Variants in LIN52 observed in about 807,000 individuals in gnomAD.
LIN52 encodes protein lin-52 homolog.
A neutral mutation model predicts 18.5 loss-of-function variants in LIN52; 4 were observed. That is an observed-to-expected ratio of 0.22 (90% confidence interval 0.11 to 0.49). LIN52 has a LOEUF of 0.49. Ranked by LOEUF, LIN52 falls within the 20% of genes least tolerant of loss-of-function variation. The pLI, the probability that LIN52 is intolerant of heterozygous loss-of-function variation, is 0.97. For missense variants in LIN52, 102 were observed against 139.5 expected (o/e 0.73, Z 1.35); for synonymous variants, 34 against 45.5 (o/e 0.75, Z 1.02).
At chr14:74,103,428 T>A (rs910203792) in intron 5 of LIN52, among the ~76,000 whole-genome samples, 299 of 8,466 alleles carry the variant, frequency 0.035, 1 homozygote, top group Non-Finnish European at 0.059. Flanking sequence ...AAATGTAAGA[T>A]TTTTTTTTTT....
At chr14:74,089,829 T>C (rs2060760475) in intron 1 of LIN52, among the ~76,000 whole-genome samples, 16 of 152,124 alleles carry the variant, frequency 1.1e-4, no homozygotes, top group Admixed American at 1.0e-3. Context: ...GGGAGTTCCC[T>C]AACCGCAGGA....
intron 1 of LIN52, chr14:74,085,336 T>G: frequency 4.1e-6 from 1 of 245,318 alleles, no homozygotes; most frequent in Non-Finnish European, 7.7e-6. Flanking sequence ...CGTGGCTTAC[T>G]GTAGTTTTTT....
At chr14:74,153,179 GTTTC>G (rs1423157577) in intron 5 of LIN52, among the ~76,000 whole-genome samples, 1 of 152,138 alleles carries the variant, frequency 6.6e-6, no homozygotes, top group Admixed American at 6.5e-5. Context: ...CATGCAGATT[GTTTC>G]TTGAAGATTC....
intron 5 of LIN52, among the ~76,000 whole-genome samples, chr14:74,113,155 G>A (rs1183250126): frequency 6.6e-6 from 1 of 152,184 alleles, no homozygotes; most frequent in African/African-American, 2.4e-5. Flanking sequence ...CACTTTGGAA[G>A]GCTGAGTTGG....
intron 5 of LIN52, among the ~76,000 whole-genome samples, chr14:74,147,383 A>G (rs966195024): frequency 1.3e-5 from 2 of 152,240 alleles, no homozygotes; most frequent in African/African-American, 2.4e-5. Context: ...ACTATAGAAC[A>G]TAGGCATAAA....
intron 1 of LIN52, among the ~76,000 whole-genome samples, chr14:74,090,694 T>A (rs968046954): frequency 6.6e-6 from 1 of 152,146 alleles, no homozygotes; most frequent in Non-Finnish European, 1.5e-5. Flanking sequence ...TGCTCCTTTT[T>A]AAAGAGATTT....
chr14:74,126,825 C>A (rs2061032440), intron 5 of LIN52, among the ~76,000 whole-genome samples: 1 of 152,186 alleles, frequency 6.6e-6, no homozygotes, highest in Non-Finnish European at 1.5e-5. Flanking sequence ...GGTGATTGCA[C>A]AACATTGTGA....
At chr14:74,133,836 A>G (rs1281474934) in intron 5 of LIN52, among the ~76,000 whole-genome samples, 2 of 152,154 alleles carry the variant, frequency 1.3e-5, no homozygotes, top group Non-Finnish European at 2.9e-5. Flanking sequence ...GCTTGTTGCA[A>G]TTTGGCCTGT....
intron 5 of LIN52, among the ~76,000 whole-genome samples, chr14:74,178,582 C>T (rs146302157): frequency 6.9e-4 from 104 of 151,744 alleles, no homozygotes; most frequent in African/African-American, 2.3e-3. Flanking sequence ...GTTAGCCTCC[C>T]GAGTAGCTGG....
intron 5 of LIN52, among the ~76,000 whole-genome samples, chr14:74,161,010 A>T (rs33983199): frequency 0.11 from 17,010 of 152,248 alleles, 1,248 homozygotes; most frequent in Admixed American, 0.19. Flanking sequence ...TTCTTTACTC[A>T]TCATGTTTTT....
intron 5 of LIN52, among the ~76,000 whole-genome samples, chr14:74,198,517 A>G (rs1277584332): frequency 1.3e-5 from 2 of 152,222 alleles, no homozygotes; most frequent in Non-Finnish European, 2.9e-5. Context: ...GAGATTATAA[A>G]TGTCCAGAGA....
At chr14:74,115,702 TA>T (rs764092773) in intron 5 of LIN52, among the ~76,000 whole-genome samples, 7 of 152,354 alleles carry the variant, frequency 4.6e-5, no homozygotes, top group Admixed American at 1.3e-4. Flanking sequence ...TAATGTGAAG[TA>T]AACCATGCCA....
intron 5 of LIN52, among the ~76,000 whole-genome samples, chr14:74,195,549 T>G (rs2078906726): frequency 1.7e-5 from 1 of 58,956 alleles, no homozygotes; most frequent in Non-Finnish European, 3.7e-5. Flanking sequence ...TGTGGGTGTG[T>G]GTGTGTATGT....
chr14:74,090,378 T>C (rs545970874), intron 1 of LIN52, among the ~76,000 whole-genome samples: 1 of 151,596 alleles, frequency 6.6e-6, no homozygotes, highest in African/African-American at 2.4e-5. Flanking sequence ...TTCTGTTGCC[T>C]GGGCTGGAGT....
chr14:74,175,751 C>CACACACCCA (rs778907221), intron 5 of LIN52, among the ~76,000 whole-genome samples: 3 of 130,182 alleles, frequency 2.3e-5, no homozygotes, highest in Admixed American at 7.7e-5. Context: ...CACACACACA[C>CACACACCCA]CCCCATTATA....
chr14:74,159,961 G>T (rs891419981), intron 5 of LIN52, among the ~76,000 whole-genome samples: 1 of 152,172 alleles, frequency 6.6e-6, no homozygotes, highest in Admixed American at 6.5e-5. Flanking sequence ...GTTTGTGTGT[G>T]TACATGTATA....
chr14:74,125,443 G>A (rs1277810567), intron 5 of LIN52, among the ~76,000 whole-genome samples: 2 of 151,986 alleles, frequency 1.3e-5, no homozygotes, highest in East Asian at 1.9e-4. Flanking sequence ...CATATCCTTC[G>A]CCCACTTTTT....
intron 5 of LIN52, among the ~76,000 whole-genome samples, chr14:74,127,511 G>C (rs2061035664): frequency 1.3e-5 from 2 of 152,098 alleles, no homozygotes; most frequent in African/African-American, 4.8e-5. Flanking sequence ...TAAGGATTTT[G>C]GGTATTATAC....
chr14:74,187,393 A>T (rs529327324), intron 5 of LIN52, among the ~76,000 whole-genome samples: 2 of 151,424 alleles, frequency 1.3e-5, no homozygotes, highest in African/African-American at 2.4e-5. Flanking sequence ...AGAAATACAT[A>T]TTTTTTTTTC....
Sources: gnomAD v4.1 joint callset for allele counts (sites outside exome capture counted in the v4.1 genomes callset) on GRCh38, gnomAD v4.1.1 for gene constraint, MANE v1.5 for transcripts, NCBI Gene and HGNC (gene_info 2026-07-23, HGNC 2026-07-21) for gene names.